CACNA2D3: variants seen among roughly 807,000 people sequenced by gnomAD.
CACNA2D3 encodes calcium voltage-gated channel auxiliary subunit alpha2delta 3, also known as voltage-dependent calcium channel subunit alpha-2/delta-3.
Under a neutral mutation model 160.6 loss-of-function variants are expected in CACNA2D3, and 60 were observed. The observed-to-expected ratio is 0.37, with a 90% confidence interval of 0.30 to 0.46. The LOEUF is 0.46. Among genes scored for constraint, CACNA2D3 ranks in the 20% least tolerant of loss-of-function variants. The pLI is 1.00. For synonymous variants in CACNA2D3, 558 were observed against 492.9 expected (o/e 1.13, Z -1.75); for missense variants, 1,205 against 1,365.0 (o/e 0.88, Z 1.85).
Position 54,365,794 on chromosome 3 carries a change from C to T in CACNA2D3, c.322-20921C>T, listed in dbSNP as rs533677759. ...AGGAGAATCACTTGAACTTGGGAGGCGGAGGTTGCAATGAGCCAAGATCAT... is the reference window on the plus strand; with the variant it reads ...AGGAGAATCACTTGAACTTGGGAGGTGGAGGTTGCAATGAGCCAAGATCAT... On this transcript the variant is annotated intron_variant, in intron 3 of 37. Coordinates refer to ENST00000474759, the MANE Select transcript of CACNA2D3 (RefSeq NM_018398.3). 1.2e-4 allele frequency among the ~76,000 whole-genome samples: 18 copies of T among 152,192 alleles called. No homozygotes were observed. The South Asian group carries it at 2.3e-3, about 19-fold the overall frequency.
At chr3:55,031,729 C>T (rs3773553) in intron 35 of CACNA2D3, among the ~76,000 whole-genome samples, 86,196 of 151,926 alleles carry the variant, frequency 0.57, 24,806 homozygotes, top group Admixed American at 0.6. Context: ...GAAGCTTAAC[C>T]GGCTAATGAC....
chr3:55,066,256 TC>T (rs1704633985), intron 35 of CACNA2D3, among the ~76,000 whole-genome samples: 2 of 152,132 alleles, frequency 1.3e-5, no homozygotes, highest in Admixed American at 1.3e-4. Context: ...ATTCAGTAGC[TC>T]CCTGGGACCG....
At chr3:55,030,765 G>T (rs1703669838) in intron 35 of CACNA2D3, among the ~76,000 whole-genome samples, 1 of 152,162 alleles carries the variant, frequency 6.6e-6, no homozygotes, top group South Asian at 2.1e-4. Context: ...ACTCAAGGAT[G>T]ATTACAACTT....
chr3:55,037,882 G>T (rs1225714486), intron 35 of CACNA2D3, among the ~76,000 whole-genome samples: 1 of 151,420 alleles, frequency 6.6e-6, no homozygotes, highest in East Asian at 2.0e-4. Flanking sequence ...ATTCATTTAT[G>T]CAGGTTTCTG....
At chr3:54,982,727 A>G (rs890726746) in intron 29 of CACNA2D3, among the ~76,000 whole-genome samples, 1 of 149,360 alleles carries the variant, frequency 6.7e-6, no homozygotes, top group Non-Finnish European at 1.5e-5. Flanking sequence ...TTTTTTTTTT[A>G]ATTATAGGCT....
In CACNA2D3 at chr3:54,827,258, C is replaced by G. The variant is rs190958383; in HGVS notation, c.1399-9901C>G. 5.9e-4 allele frequency among the ~76,000 whole-genome samples: 90 copies of G among 152,220 alleles called. 1 individual carries two copies. Among genetic ancestry groups the G allele is most frequent in the African/African-American group, 1.1e-3 (44 of 41,578 alleles). ...CTTGTGAAATGTGCGTAGGCACTTG[C>G]AACGTCTTTGTCAGGGTTCAATTTA... is the stretch of plus-strand genomic sequence containing the variant. On this transcript the variant is annotated intron_variant, in intron 14 of 37. Coordinates refer to ENST00000474759, the MANE Select transcript of CACNA2D3 (RefSeq NM_018398.3).
chr3:54,241,497 G>A (rs1575337986), intron 2 of CACNA2D3, among the ~76,000 whole-genome samples: 1 of 152,216 alleles, frequency 6.6e-6, no homozygotes, highest in East Asian at 1.9e-4. Context: ...GGACTGTCTG[G>A]TAACTTTGAG....
At chr3:54,293,563 T>TTATATATATA (rs35283142) in intron 2 of CACNA2D3, among the ~76,000 whole-genome samples, 9,768 of 149,606 alleles carry the variant, frequency 0.065, 458 homozygotes, top group East Asian at 0.21. Context: ...TAATATTCTA[T>TTATATATATA]TATATATATA....
intron 2 of CACNA2D3, among the ~76,000 whole-genome samples, chr3:54,315,506 C>T (rs1370091505): frequency 6.6e-6 from 1 of 152,182 alleles, no homozygotes; most frequent in Non-Finnish European, 1.5e-5. Flanking sequence ...TCCTCTGAAA[C>T]AAGTTTGCAA....
intron 4 of CACNA2D3, among the ~76,000 whole-genome samples, chr3:54,445,178 C>T (rs1230725682): frequency 6.6e-6 from 1 of 152,232 alleles, no homozygotes; most frequent in Non-Finnish European, 1.5e-5. Flanking sequence ...GACAACCCCC[C>T]TCTAAGGTGG....
chr3:54,451,229 CTTTTTTTTTTTTTTTTTT>C (rs71074970), intron 4 of CACNA2D3, among the ~76,000 whole-genome samples: 1 of 51,732 alleles, frequency 1.9e-5, no homozygotes, highest in Non-Finnish European at 3.2e-5. Flanking sequence ...ATATAATAAT[CTTTTTTTTTTTTTTTTTT>C]TTTTTTTTTT....
chr3:54,681,424 C>T (rs1446611647), intron 11 of CACNA2D3, among the ~76,000 whole-genome samples: 1 of 133,498 alleles, frequency 7.5e-6, no homozygotes, highest in Non-Finnish European at 1.6e-5. Flanking sequence ...GGCATGGTGG[C>T]ACATGCCTGT....
At chr3:54,933,138 A>T (rs1402304957) in intron 27 of CACNA2D3, among the ~76,000 whole-genome samples, 3 of 142,528 alleles carry the variant, frequency 2.1e-5, no homozygotes, top group Admixed American at 1.5e-4. Flanking sequence ...CTGCCTTTGG[A>T]TTTACTATCC....
chr3:55,012,848 G>C (rs1416590042), intron 34 of CACNA2D3, among the ~76,000 whole-genome samples: 1 of 152,132 alleles, frequency 6.6e-6, no homozygotes. Context: ...AAGGGAGCCA[G>C]GTATGGTCTG....
intron 2 of CACNA2D3, among the ~76,000 whole-genome samples, chr3:54,258,268 G>A (rs560319807): frequency 6.6e-6 from 1 of 152,304 alleles, no homozygotes; most frequent in East Asian, 1.9e-4. Flanking sequence ...AAAGGATTCT[G>A]TGGACAGTAA....
intron 2 of CACNA2D3, among the ~76,000 whole-genome samples, chr3:54,276,088 G>A (rs534219601): frequency 1.4e-4 from 22 of 152,234 alleles, no homozygotes; most frequent in African/African-American, 4.3e-4. Context: ...CTGAAGCCCC[G>A]ATTGAATGCC....
chr3:54,503,711 C>T (rs2106946153), intron 5 of CACNA2D3, 57 bp downstream of exon 5: 1 of 1,501,522 alleles, frequency 6.7e-7, no homozygotes, highest in African/African-American at 1.4e-5. Context: ...GGTTGAGAAG[C>T]AGGGGCTGGC....
rs145073005 is a variant in CACNA2D3, at chr3:54,857,323, ACTCTG to A, written c.1626+10862_1626+10866del. 8.5e-3 allele frequency among the ~76,000 whole-genome samples: 1,297 copies of A among 151,896 alleles called. 21 individuals carry two copies. The highest frequency in any genetic ancestry group is 0.03 in the African/African-American group (1,223 of 41,374). Reference sequence around the variant, plus strand: ...TTGCTGGTACTGCCCCGTTTCCTCCACTCTGCTCTGACCATTCCTGTATGTGTAGC... The same window carrying A: ...TTGCTGGTACTGCCCCGTTTCCTCCACTCTGACCATTCCTGTATGTGTAGC... On this transcript the variant is annotated intron_variant, in intron 17 of 37. Transcript: ENST00000474759.
intron 34 of CACNA2D3, among the ~76,000 whole-genome samples, chr3:55,012,981 C>A (rs1703243463): frequency 6.6e-6 from 1 of 152,054 alleles, no homozygotes; most frequent in Non-Finnish European, 1.5e-5. Context: ...TGCTTCAGTT[C>A]TCTATTTTCT....
Sources: allele counts gnomAD v4.1 joint callset (sites outside exome capture counted in the v4.1 genomes callset), GRCh38; gene constraint gnomAD v4.1.1; transcripts MANE v1.5; gene names NCBI Gene and HGNC (gene_info 2026-07-23, HGNC 2026-07-21).